DIP2C: variants seen among roughly 807,000 people sequenced by gnomAD.
DIP2C encodes disco-interacting protein 2 homolog C.
A neutral mutation model predicts 192.4 loss-of-function variants in DIP2C; 33 were observed. The observed-to-expected ratio is 0.17, with a 90% CI of 0.13 to 0.23. The LOEUF is 0.23. Ranked by LOEUF, DIP2C falls within the 10% of genes least tolerant of loss-of-function variation. The pLI is 1.00. For missense variants in DIP2C, 1,537 were observed against 2,110.1 expected, an observed-to-expected ratio of 0.73 and a Z score of 5.32; for synonymous variants, 979 against 864.1, an observed-to-expected ratio of 1.13 and a Z score of -2.33.
chr10:546,138 C>T (rs551239175), intron 1 of DIP2C, among the ~76,000 whole-genome samples: 1 of 151,972 alleles, frequency 6.6e-6, no homozygotes, highest in African/African-American at 2.4e-5. Context: ...AAAAATTATC[C>T]GGGCTTGGTG....
Position 387,774 on chromosome 10 carries a change from C to A in DIP2C, c.1633G>T (p.Asp545Tyr). The A allele has an allele frequency of 6.2e-7, 1 of 1,614,218 alleles. No homozygotes were observed. The highest frequency in any genetic ancestry group is 8.5e-7 in the Non-Finnish European group (1 of 1,180,040). The change falls in exon 14 of 37, where the codon GAC becomes TAC. Residue 545 changes from aspartate (D) to tyrosine (Y), a missense_variant. Physicochemically the swap from Asp to Tyr is radical, Grantham distance 160 (BLOSUM62 -3). Transcript: ENST00000280886. ...TIVNVLDFKK[D>Y]VGLWHGILTS... ...AGGATGCCATGCCAGAGCCCGACGT[C>A]CTTCTTGAAATCCAGCACATTCACA...
intron 32 of DIP2C, among the ~76,000 whole-genome samples, chr10:304,004 T>C (rs572297680): frequency 1.3e-5 from 2 of 152,164 alleles, no homozygotes; most frequent in Non-Finnish European, 2.9e-5. Flanking sequence ...GTGGGAACCA[T>C]GCTTTCTGCT....
intron 1 of DIP2C, among the ~76,000 whole-genome samples, chr10:529,880 G>A (rs1588397722): frequency 6.6e-6 from 1 of 152,202 alleles, no homozygotes; most frequent in Non-Finnish European, 1.5e-5. Flanking sequence ...TCTGGCTCAA[G>A]CAATCCTCCT....
intron 1 of DIP2C, among the ~76,000 whole-genome samples, chr10:579,520 G>A (rs1433675657): frequency 6.6e-6 from 1 of 151,942 alleles, no homozygotes; most frequent in Non-Finnish European, 1.5e-5. Flanking sequence ...CATGCAGAGA[G>A]CATACACACA....
At chr10:638,077 G>A (rs757137144) in intron 1 of DIP2C, among the ~76,000 whole-genome samples, 12 of 152,200 alleles carry the variant, frequency 7.9e-5, no homozygotes, top group Non-Finnish European at 1.8e-4. Flanking sequence ...CCCCGGCCAG[G>A]TGTGTGCCTC....
chr10:309,793 C>T (rs1399339184), intron 32 of DIP2C, among the ~76,000 whole-genome samples: 6 of 152,048 alleles, frequency 3.9e-5, no homozygotes, highest in Non-Finnish European at 7.4e-5. Flanking sequence ...TCAGGTGATC[C>T]GCCTACCTCA....
rs1392066968 is a variant in DIP2C at position 276,372 on chromosome 10, T to G, written c.*953A>C. 6.6e-6 allele frequency: 1 copy of G among 152,660 alleles called. No homozygotes were observed. Among genetic ancestry groups the G allele is most frequent in the Non-Finnish European group, 1.5e-5 (1 of 68,044 alleles). 9.5% of individuals were successfully genotyped at this position (152,660 alleles called of 1,614,324 possible). On this transcript the variant is annotated 3_prime_UTR_variant, in exon 37 of 37. Transcript: ENST00000280886. ...ACTGCTGGCAACAGCAGAGTGTATG[T>G]GAGTACGGGGGGCACACCATGCAAG...
At chr10:353,317 TTA>T (rs575649394) in intron 24 of DIP2C, among the ~76,000 whole-genome samples, 275 of 152,250 alleles carry the variant, frequency 1.8e-3, no homozygotes, top group Middle Eastern at 0.014. Flanking sequence ...CAAACTAAAT[TTA>T]TATTTTAAAA....
chr10:580,009 C>T (rs747920065), intron 1 of DIP2C, among the ~76,000 whole-genome samples: 11 of 151,992 alleles, frequency 7.2e-5, no homozygotes, highest in Admixed American at 3.9e-4. Context: ...CATGTATGTA[C>T]ATGAATAGCA....
intron 1 of DIP2C, among the ~76,000 whole-genome samples, chr10:583,046 T>G: frequency 6.6e-6 from 1 of 152,244 alleles, no homozygotes; most frequent in East Asian, 1.9e-4. Flanking sequence ...CCACATATTT[T>G]CACATGTATT....
At position 484,071 on chromosome 10, in the gene DIP2C, A is replaced by G. The variant is rs961139822; in HGVS notation, c.157+2388T>C. Among the ~76,000 whole-genome samples, 3 of 152,192 alleles carry G rather than the reference A, an allele frequency of 2.0e-5. No individual in the cohort carries two copies. In the South Asian group the frequency reaches 6.2e-4, roughly 32 times the overall value. On this transcript the variant is annotated intron_variant, in intron 2 of 36. Coordinates refer to ENST00000280886, the MANE Select transcript of DIP2C (RefSeq NM_014974.3). The stretch of plus-strand genomic sequence containing the variant: ...GCAATCCCCTTCCTCAGCCTCCCCA[A>G]GTGCTGGGATCACAGGCGTGAGCCA...
intron 2 of DIP2C, among the ~76,000 whole-genome samples, chr10:485,606 G>A (rs966930786): frequency 6.6e-6 from 1 of 152,198 alleles, no homozygotes; most frequent in Non-Finnish European, 1.5e-5. Context: ...TCCTTACTGA[G>A]TCAACAGGAC....
chr10:365,340 C>T (rs1960060094), intron 19 of DIP2C, among the ~76,000 whole-genome samples: 1 of 152,096 alleles, frequency 6.6e-6, no homozygotes, highest in Non-Finnish European at 1.5e-5. Context: ...TGAGATCAGC[C>T]TGGACAACAG....
chr10:283,408 G>A lies in DIP2C; in HGVS notation c.4158C>T (p.Phe1386=). The A allele has an allele frequency of 3.1e-6, 5 of 1,614,192 alleles. No individual in the cohort carries two copies. Among genetic ancestry groups the A allele is most frequent in the Non-Finnish European group, 4.2e-6 (5 of 1,180,038 alleles). ...GGAGGGATTCGTCTCCGTAAATAGT[G>A]AAATAACCGCTGGCATTGTGGGCAC... ...VHSAHNASGY[F]TIYGDESLQS... is the part of the protein sequence containing the mutation. The change falls in exon 35 of 37, where the codon TTC becomes TTT. Residue 1386 remains phenylalanine, a synonymous_variant. Coordinates refer to ENST00000280886, the MANE Select transcript of DIP2C (RefSeq NM_014974.3).
intron 1 of DIP2C, among the ~76,000 whole-genome samples, chr10:687,915 C>T (rs572186719): frequency 2.6e-5 from 4 of 152,346 alleles, no homozygotes; most frequent in Admixed American, 2.6e-4. Context: ...CTGGATGGGG[C>T]ACTGACACTT....
chr10:673,770 T>C (rs1379144368), intron 1 of DIP2C, among the ~76,000 whole-genome samples: 3 of 152,158 alleles, frequency 2.0e-5, no homozygotes, highest in African/African-American at 7.2e-5. Context: ...TGTCAAACAC[T>C]AAACCTAACC....
intron 31 of DIP2C, among the ~76,000 whole-genome samples, chr10:317,701 G>A (rs886373925): frequency 3.3e-5 from 5 of 152,154 alleles, no homozygotes. Context: ...ATGATCTCCT[G>A]GGTCCCTAAG....
At chr10:587,623 C>T (rs1375459412) in intron 1 of DIP2C, among the ~76,000 whole-genome samples, 2 of 151,732 alleles carry the variant, frequency 1.3e-5, no homozygotes, top group Admixed American at 6.6e-5. Flanking sequence ...TCAGCCCTGA[C>T]CCTCCTGAAA....
intron 22 of DIP2C, 110 bp from the exon 23 acceptor site, chr10:358,047 G>A (rs1589597472): frequency 7.1e-6 from 5 of 705,784 alleles, no homozygotes; most frequent in East Asian, 2.7e-5. Context: ...GGAAAGACCT[G>A]GCTTTGAATA....
Sources: gnomAD v4.1 joint callset for allele counts (sites outside exome capture counted in the v4.1 genomes callset) on GRCh38, gnomAD v4.1.1 for gene constraint, MANE v1.5 for transcripts, NCBI Gene and HGNC (gene_info 2026-07-23, HGNC 2026-07-21) for gene names.